Variants in CNTLN observed in about 807,000 individuals in gnomAD.
The protein encoded by CNTLN is centlein.
A neutral mutation model predicts 180.0 loss-of-function variants in CNTLN; 212 were observed. The observed-to-expected ratio is 1.18, with a 90% CI of 1.05 to 1.32. The LOEUF (loss-of-function observed/expected upper bound fraction) is 1.32, where lower values mean the gene tolerates loss of function less well. Among genes scored for constraint, CNTLN ranks in the 40% most tolerant of loss-of-function variants. The pLI is 0.00. For synonymous variants in CNTLN, 722 were observed against 563.1 expected, an observed-to-expected ratio of 1.28 and a Z score of -3.99; for missense variants, 2,095 against 1,610.9, an observed-to-expected ratio of 1.30 and a Z score of -5.14.
chr9:17,296,071 G>C (rs1472114410), intron 6 of CNTLN, among the ~76,000 whole-genome samples: 1 of 151,660 alleles, frequency 6.6e-6, no homozygotes, highest in Non-Finnish European at 1.5e-5. Flanking sequence ...ACCCAGGTTG[G>C]AGTGGGGTGG....
At chr9:17,301,240 C>A (rs1208220615) in intron 7 of CNTLN, 2 of 985,232 alleles carry the variant, frequency 2.0e-6, no homozygotes, top group Non-Finnish European at 2.4e-6. Context: ...CTTATATGCC[C>A]CTATTTGGCG....
At chr9:17,270,306 GT>G (rs1827837858) in intron 5 of CNTLN, among the ~76,000 whole-genome samples, 1 of 151,882 alleles carries the variant, frequency 6.6e-6, no homozygotes. Context: ...TTTGTTGTTA[GT>G]TTTTGTTTTT....
chr9:17,361,344 C>G (rs1044233233), intron 12 of CNTLN, among the ~76,000 whole-genome samples: 15 of 152,114 alleles, frequency 9.9e-5, no homozygotes, highest in Admixed American at 8.5e-4. Flanking sequence ...TTTATCTCTA[C>G]TCATTAGAAT....
At chr9:17,332,493 T>A in intron 9 of CNTLN, 112 bp from the exon 10 acceptor site, 1 of 1,025,034 alleles carries the variant, frequency 9.8e-7, no homozygotes, top group Non-Finnish European at 1.4e-6. Context: ...AGGATTTTTT[T>A]TTTTTTTATA....
At chr9:17,336,254 G>C (rs1397815039) in intron 10 of CNTLN, among the ~76,000 whole-genome samples, 1 of 152,054 alleles carries the variant, frequency 6.6e-6, no homozygotes, top group African/African-American at 2.4e-5. Context: ...TTGTTAGAAG[G>C]TTATAAAGAA....
intron 18 of CNTLN, among the ~76,000 whole-genome samples, chr9:17,451,905 A>G (rs540988360): frequency 1.6e-4 from 24 of 152,220 alleles, no homozygotes; most frequent in African/African-American, 5.8e-4. Context: ...ATGCTGTAGG[A>G]TGGATATTGT....
rs1218815905 is a variant in CNTLN, at chr9:17,271,441, A to T, written c.850-2292A>T. 5.9e-5 allele frequency among the ~76,000 whole-genome samples: 9 copies of T among 152,046 alleles called. No individual in the cohort carries two copies. The East Asian group carries it at 1.7e-3, about 29-fold the overall frequency. On this transcript the variant is annotated intron_variant, in intron 5 of 25. Coordinates refer to ENST00000380647, the MANE Select transcript of CNTLN (RefSeq NM_017738.4). ...TTTCTTTGCTTAGTATTACAAATGA[A>T]GTTCTGTTACTTATTCTGGATTCCA...
intron 25 of CNTLN, among the ~76,000 whole-genome samples, chr9:17,495,416 G>C (rs1366839071): frequency 6.6e-6 from 1 of 151,938 alleles, no homozygotes; most frequent in Non-Finnish European, 1.5e-5. Context: ...TGTAGGCCCA[G>C]GGTAATGTGT....
At chr9:17,211,599 T>C (rs546190642) in intron 2 of CNTLN, among the ~76,000 whole-genome samples, 1 of 152,292 alleles carries the variant, frequency 6.6e-6, no homozygotes, top group East Asian at 1.9e-4. Context: ...AAGAAAGTCA[T>C]TGGTAGCTTG....
intron 21 of CNTLN, among the ~76,000 whole-genome samples, chr9:17,465,313 G>A (rs1831684302): frequency 6.7e-6 from 1 of 150,336 alleles, no homozygotes; most frequent in Admixed American, 6.7e-5. Context: ...AAATCCATAT[G>A]GATTTTCTTT....
chr9:17,166,829 A>G (rs1820101816), intron 2 of CNTLN: 1 of 423,222 alleles, frequency 2.4e-6, no homozygotes, highest in Non-Finnish European at 4.8e-6. Flanking sequence ...AGGCCACCGG[A>G]AGATGTGTAC....
At chr9:17,435,013 AG>A (rs1829676978) in intron 18 of CNTLN, among the ~76,000 whole-genome samples, 1 of 152,224 alleles carries the variant, frequency 6.6e-6, no homozygotes, top group African/African-American at 2.4e-5. Context: ...GGCTTTTAAA[AG>A]TAGTCCATTA....
At position 17,459,059 on chromosome 9, in the gene CNTLN, T is replaced by C. The variant is rs79358044; in HGVS notation, c.3306+1344T>C. On this transcript the variant is annotated intron_variant, in intron 19 of 25. Transcript: ENST00000380647. ...TATATTTAAGTCCTCATGATTCTGATATAACTTTGTTTTTCACCAAGATAA... is the reference window on the plus strand; with the variant it reads ...TATATTTAAGTCCTCATGATTCTGACATAACTTTGTTTTTCACCAAGATAA... 5.5e-3 allele frequency among the ~76,000 whole-genome samples: 832 copies of C among 151,970 alleles called. 9 individuals carry two copies. Among genetic ancestry groups the C allele is most frequent in the African/African-American group, 0.019 (773 of 41,528 alleles).
At chr9:17,320,768 G>A (rs148237751) in intron 8 of CNTLN, among the ~76,000 whole-genome samples, 6 of 152,160 alleles carry the variant, frequency 3.9e-5, no homozygotes, top group African/African-American at 1.4e-4. Context: ...CTCCCAAAGC[G>A]CTGGGATTAC....
intron 13 of CNTLN, among the ~76,000 whole-genome samples, chr9:17,386,632 A>G (rs1825706917): frequency 1.3e-5 from 2 of 151,892 alleles, no homozygotes; most frequent in Admixed American, 1.3e-4. Context: ...GGTGAAGGGG[A>G]GAAACAAACG....
chr9:17,268,763 C>G (rs1240773182), intron 5 of CNTLN, among the ~76,000 whole-genome samples: 1 of 151,984 alleles, frequency 6.6e-6, no homozygotes, highest in African/African-American at 2.4e-5. Flanking sequence ...CCCCCAGCCT[C>G]GCTGCCACCT....
rs557110778 is a variant in CNTLN at position 17,287,560 on chromosome 9, T to G, written c.984-10630T>G. On this transcript the variant is annotated intron_variant, in intron 6 of 25. Coordinates refer to ENST00000380647, the MANE Select transcript of CNTLN (RefSeq NM_017738.4). ...GAGGATTCCCTCTTTTTCTATTGAT[T>G]GGAATAGTTTCAGAAGGAATGGTAC... Among the ~76,000 whole-genome samples the G allele has an allele frequency of 5.1e-4, 76 of 150,338 alleles. 2 individuals carry two copies. In the East Asian group the frequency reaches 0.013, roughly 26 times the overall value.
rs112959396 is a variant in CNTLN, at chr9:17,359,861, C to T, written c.1887-6756C>T. 6.6e-5 allele frequency among the ~76,000 whole-genome samples: 10 copies of T among 151,150 alleles called. 1 individual carries two copies. The highest frequency in any genetic ancestry group is 2.4e-4 in the African/African-American group (10 of 41,244). On this transcript the variant is annotated intron_variant, in intron 12 of 25. Coordinates refer to ENST00000380647, the MANE Select transcript of CNTLN (RefSeq NM_017738.4). Reference sequence around the variant, plus strand: ...CTTGCAGTGAGCCGAGATCTTGCCACTGCACTCCAGCCTGGGCAACAGAGT... The same window carrying T: ...CTTGCAGTGAGCCGAGATCTTGCCATTGCACTCCAGCCTGGGCAACAGAGT...
At chr9:17,255,271 A>G (rs1196081845) in intron 5 of CNTLN, among the ~76,000 whole-genome samples, 1 of 151,790 alleles carries the variant, frequency 6.6e-6, no homozygotes, top group African/African-American at 2.4e-5. Flanking sequence ...TCCTGATCTT[A>G]GAGAAAAAGC....
Sources: allele counts gnomAD v4.1 joint callset (sites outside exome capture counted in the v4.1 genomes callset), GRCh38; gene constraint gnomAD v4.1.1; transcripts MANE v1.5; gene names NCBI Gene and HGNC (gene_info 2026-07-23, HGNC 2026-07-21).